Variants in VTI1A observed in about 807,000 individuals in gnomAD.
VTI1A encodes vesicle transport through interaction with t-SNAREs homolog 1A.
VTI1A carries 22 observed loss-of-function variants against 34.9 expected under a neutral mutation model. The ratio of observed to expected loss-of-function variants is 0.63; its 90% CI spans 0.45 to 0.90. VTI1A has a LOEUF of 0.90. VTI1A is among the 40% of genes least tolerant of loss of function. The pLI is 0.00. For synonymous variants in VTI1A, 87 were observed against 97.3 expected (o/e 0.89, Z 0.62); for missense variants, 268 against 275.6 (o/e 0.97, Z 0.20).
At chr10:112,844,363 C>A in the VTI1A span, among the ~76,000 whole-genome samples, 2 of 152,162 alleles carry the variant, frequency 1.3e-5, 1 homozygote, top group South Asian at 4.1e-4. Context: ...AAGCCTGGAT[C>A]TTTTCATTAT....
At chr10:112,532,246 A>G (rs571319485) in intron 4 of VTI1A, among the ~76,000 whole-genome samples, 3 of 152,376 alleles carry the variant, frequency 2.0e-5, no homozygotes, top group East Asian at 3.9e-4. Flanking sequence ...TATAGTAAAC[A>G]TGATACTTAC....
chr10:112,587,245 A>G (rs1844196363), intron 5 of VTI1A, among the ~76,000 whole-genome samples: 1 of 152,142 alleles, frequency 6.6e-6, no homozygotes, highest in Admixed American at 6.6e-5. Context: ...TTCTGAGTAA[A>G]CATTGTTTTC....
chr10:112,478,673 G>A (rs1054280808), intron 3 of VTI1A, among the ~76,000 whole-genome samples: 1 of 152,058 alleles, frequency 6.6e-6, no homozygotes, highest in African/African-American at 2.4e-5. Flanking sequence ...ATCACTCTAT[G>A]ATAGTAGAGT....
intron 5 of VTI1A, among the ~76,000 whole-genome samples, chr10:112,563,247 A>G (rs1000991201): frequency 1.3e-5 from 2 of 152,210 alleles, no homozygotes; most frequent in South Asian, 4.1e-4. Context: ...TATTACAGAC[A>G]AAGTATTTTT....
At chr10:112,749,730 C>A (rs1398000662) in intron 7 of VTI1A, among the ~76,000 whole-genome samples, 2 of 152,148 alleles carry the variant, frequency 1.3e-5, no homozygotes. Flanking sequence ...AAATCAGTTC[C>A]CTTAAACTTA....
At chr10:112,761,921 G>A (rs184154844) in intron 7 of VTI1A, among the ~76,000 whole-genome samples, 7 of 152,014 alleles carry the variant, frequency 4.6e-5, no homozygotes, top group Non-Finnish European at 8.8e-5. Flanking sequence ...TATCTACTCC[G>A]CGATCTGAGT....
chr10:112,690,694 A>T (rs1191568714), intron 7 of VTI1A, among the ~76,000 whole-genome samples: 1 of 152,216 alleles, frequency 6.6e-6, no homozygotes, highest in Admixed American at 6.5e-5. Context: ...GTAAAATGCT[A>T]AAAACACCTT....
At chr10:112,525,708 T>C (rs1266364852) in intron 3 of VTI1A, among the ~76,000 whole-genome samples, 1 of 151,892 alleles carries the variant, frequency 6.6e-6, no homozygotes, top group Non-Finnish European at 1.5e-5. Context: ...ACATAGTTAC[T>C]GAAATAATTT....
chr10:112,494,896 G>A (rs1209281213), intron 3 of VTI1A, among the ~76,000 whole-genome samples: 3 of 152,144 alleles, frequency 2.0e-5, no homozygotes, highest in Non-Finnish European at 4.4e-5. Flanking sequence ...ATTTAAACCT[G>A]TGGACATTTT....
intron 5 of VTI1A, among the ~76,000 whole-genome samples, chr10:112,596,101 G>A (rs202126195): frequency 6.8e-6 from 1 of 146,296 alleles, no homozygotes; most frequent in East Asian, 2.0e-4. Flanking sequence ...TCATAGGTGG[G>A]AATTGAACAA....
At chr10:112,453,674 CTTT>C (rs775485691) in intron 1 of VTI1A, among the ~76,000 whole-genome samples, 1 of 151,422 alleles carries the variant, frequency 6.6e-6, no homozygotes, top group Non-Finnish European at 1.5e-5. Context: ...TTTTTCTTTT[CTTT>C]TTTTTAAGGA....
intron 7 of VTI1A, among the ~76,000 whole-genome samples, chr10:112,745,211 T>C (rs763499756): frequency 1.3e-5 from 2 of 152,120 alleles, no homozygotes; most frequent in Non-Finnish European, 2.9e-5. Flanking sequence ...CTTCTTCCTC[T>C]AGCATGGTTG....
At chr10:112,759,063 C>A (rs147962303) in intron 7 of VTI1A, among the ~76,000 whole-genome samples, 46 of 152,298 alleles carry the variant, frequency 3.0e-4, no homozygotes, top group African/African-American at 1.1e-3. Flanking sequence ...CCCAGGCCTC[C>A]CCTGCCTCCC....
chr10:112,774,968 C>T (rs1465521503), intron 7 of VTI1A, among the ~76,000 whole-genome samples: 1 of 152,154 alleles, frequency 6.6e-6, no homozygotes, highest in African/African-American at 2.4e-5. Flanking sequence ...ATGAAATAAG[C>T]TTTCGACGCC....
At chr10:112,592,954 T>C (rs1844450632) in intron 5 of VTI1A, among the ~76,000 whole-genome samples, 1 of 152,178 alleles carries the variant, frequency 6.6e-6, no homozygotes, top group African/African-American at 2.4e-5. Flanking sequence ...AATGCAGGAC[T>C]GTGTGGTGTC....
intron 5 of VTI1A, among the ~76,000 whole-genome samples, chr10:112,573,085 G>C (rs947415230): frequency 5.9e-5 from 9 of 151,988 alleles, no homozygotes; most frequent in Non-Finnish European, 1.3e-4. Flanking sequence ...AGACCCAAAT[G>C]GGTTGAGGTT....
intron 7 of VTI1A, among the ~76,000 whole-genome samples, chr10:112,757,237 G>A (rs1409979361): frequency 6.6e-6 from 1 of 151,698 alleles, no homozygotes; most frequent in Non-Finnish European, 1.5e-5. Context: ...GCTATGTGAT[G>A]AGTGCTGGGA....
chr10:112,578,357 CAG>C (rs1843786313), intron 5 of VTI1A, among the ~76,000 whole-genome samples: 1 of 152,094 alleles, frequency 6.6e-6, no homozygotes, highest in African/African-American at 2.4e-5. Context: ...GAAACCCTAT[CAG>C]AAATCCACGG....
chr10:112,813,843 A>G (rs1392902320), intron 7 of VTI1A, among the ~76,000 whole-genome samples: 2 of 152,164 alleles, frequency 1.3e-5, no homozygotes, highest in Non-Finnish European at 2.9e-5. Context: ...ATAAATGAGG[A>G]CCAAGTGGAC....
Sources: allele counts gnomAD v4.1 joint callset (sites outside exome capture counted in the v4.1 genomes callset), GRCh38; gene constraint gnomAD v4.1.1; transcripts MANE v1.5; gene names NCBI Gene and HGNC (gene_info 2026-07-23, HGNC 2026-07-21).